Variants in PSMD9 observed in about 807,000 individuals in gnomAD.
The protein encoded by PSMD9 is 26S proteasome non-ATPase regulatory subunit 9.
Under a neutral mutation model 25.9 loss-of-function variants are expected in PSMD9, and 26 were observed. The ratio of observed to expected loss-of-function variants is 1.00; its 90% confidence interval spans 0.73 to 1.39. The LOEUF is 1.39. Among genes scored for constraint, PSMD9 ranks in the 40% most tolerant of loss-of-function variants. The pLI is 0.00. For missense variants in PSMD9, 303 were observed against 299.3 expected (o/e 1.01, Z -0.09); for synonymous variants, 110 against 114.5 (o/e 0.96, Z 0.25).
chr12:121,907,075 T>C (rs1879582315), intron 4 of PSMD9, among the ~76,000 whole-genome samples: 3 of 152,186 alleles, frequency 2.0e-5, no homozygotes, highest in Non-Finnish European at 4.4e-5. Context: ...TATTTCTTTT[T>C]TTATTTTTTT....
chr12:121,915,871 A>C lies in PSMD9; in HGVS notation c.571A>C (p.Thr191Pro), dbSNP rs775695292. 3.6e-5 allele frequency: 58 copies of C among 1,613,514 alleles called. No homozygotes were observed. The highest frequency in any genetic ancestry group is 4.3e-5 in the Non-Finnish European group (51 of 1,179,820). Residue 191 changes from threonine to proline, a missense_variant, in exon 5 of 6, where the codon ACA (threonine) becomes CCA (proline). Physicochemically the swap from Thr to Pro is conservative, Grantham distance 38. Coordinates refer to ENST00000541212, the MANE Select transcript of PSMD9 (RefSeq NM_002813.7). ...QHSEGKPLNV[T>P]VIRRGEKHQL... Reference sequence around the variant, plus strand: ...TTCTTTTCAGAAGCCCCTGAATGTGACAGTGATCCGCAGGGGGGAAAAACA... The same window carrying C: ...TTCTTTTCAGAAGCCCCTGAATGTGCCAGTGATCCGCAGGGGGGAAAAACA...
intron 4 of PSMD9, among the ~76,000 whole-genome samples, chr12:121,910,771 A>C (rs558427965): frequency 1.1e-4 from 17 of 151,086 alleles, no homozygotes; most frequent in Non-Finnish European, 2.5e-4. Context: ...AAAAAAAAAA[A>C]AATTACCATT....
rs59695002 is a variant in PSMD9, at chr12:121,917,135, C to T, written c.*824C>T. The T allele has an allele frequency of 0.052, 7,909 of 152,410 alleles. 233 individuals are homozygous for T. Among genetic ancestry groups the T allele is most frequent in the East Asian group, 0.073 (376 of 5,180 alleles). 9.4% of individuals were successfully genotyped at this position (152,410 alleles called of 1,614,324 possible). On this transcript the variant is annotated 3_prime_UTR_variant, in exon 6 of 6. Transcript: ENST00000541212. The stretch of plus-strand genomic sequence containing the variant: ...CCGCCCAAGTATCTGGGACCACAGG[C>T]GTGCACCACCATGCATAGCTAATTT...
intron 4 of PSMD9, among the ~76,000 whole-genome samples, chr12:121,903,660 G>A (rs968760331): frequency 1.3e-5 from 2 of 151,660 alleles, no homozygotes; most frequent in African/African-American, 4.9e-5. Flanking sequence ...TGACATGCTC[G>A]CAGGGGGCCT....
At chr12:121,896,069 G>A (rs1016819773) in intron 2 of PSMD9, among the ~76,000 whole-genome samples, 11 of 149,928 alleles carry the variant, frequency 7.3e-5, no homozygotes, top group African/African-American at 2.5e-4. Flanking sequence ...GCAGTGGCAC[G>A]ATCTTGGCTC....
chr12:121,903,975 T>C (rs1156313338), intron 4 of PSMD9, among the ~76,000 whole-genome samples: 1 of 152,100 alleles, frequency 6.6e-6, no homozygotes, highest in Non-Finnish European at 1.5e-5. Context: ...TAACTAAAGT[T>C]TTTGGTTCCC....
At chr12:121,896,844 A>AG (rs1284227926) in intron 2 of PSMD9, among the ~76,000 whole-genome samples, 1 of 135,350 alleles carries the variant, frequency 7.4e-6, no homozygotes, top group Non-Finnish European at 1.7e-5. Flanking sequence ...CTCAAAAAAA[A>AG]AAAAAAAAAG....
In PSMD9 at chr12:121,903,903, G is replaced by C. The variant is rs192623707; in HGVS notation, c.555+796G>C. ...TGTCCAGGCTGGAATTTTTGTTGTT[G>C]TTTTGTAGCAAAGATCCACACTTTT... On this transcript the variant is annotated intron_variant, in intron 4 of 5. Transcript: ENST00000541212. Among the ~76,000 whole-genome samples, 8 of 151,626 alleles carry C rather than the reference G, an allele frequency of 5.3e-5. No individual in the cohort carries two copies. The East Asian group carries it at 1.6e-3, about 29-fold the overall frequency.
chr12:121,908,843 G>A (rs1879635041), intron 4 of PSMD9, among the ~76,000 whole-genome samples: 1 of 152,100 alleles, frequency 6.6e-6, no homozygotes, highest in African/African-American at 2.4e-5. Context: ...AGGTTCATAG[G>A]CCCTGGGGTG....
intron 1 of PSMD9, among the ~76,000 whole-genome samples, chr12:121,892,919 A>G (rs1879129052): frequency 4.6e-5 from 7 of 152,170 alleles, no homozygotes; most frequent in Admixed American, 4.6e-4. Flanking sequence ...TACATGGGTC[A>G]GTTATATGGT....
chr12:121,915,896 A>G lies in PSMD9; in HGVS notation c.596A>G (p.His199Arg). 1 of 1,613,922 alleles carries G rather than the reference A, an allele frequency of 6.2e-7. No homozygotes were observed. The highest frequency in any genetic ancestry group is 8.5e-7 in the Non-Finnish European group (1 of 1,179,948). The change falls in exon 5 of 6, where the codon CAC becomes CGC. Residue 199 changes from histidine to arginine, a missense_variant. Coordinates refer to ENST00000541212, the MANE Select transcript of PSMD9 (RefSeq NM_002813.7). ...NVTVIRRGEK[H>R]QLRLVPTRWA... ...ACAGTGATCCGCAGGGGGGAAAAAC[A>G]CCAGCTTAGACTTGTTCCAACACGC... is the stretch of plus-strand genomic sequence containing the variant.
At chr12:121,911,474 A>G (rs950174594) in intron 4 of PSMD9, among the ~76,000 whole-genome samples, 9 of 152,158 alleles carry the variant, frequency 5.9e-5, no homozygotes, top group South Asian at 2.1e-4. Context: ...TCATTAGTCA[A>G]TGGACACTAG....
chr12:121,903,120 A>G lies in PSMD9; in HGVS notation c.555+13A>G. On this transcript the variant is annotated intron_variant, in intron 4 of 5. Transcript: ENST00000541212. ...GCACAGTGAGGGGGTGAGTGGGGCT[A>G]CCTGGTGTCTCGGTCTGTTTGGGTT... 3 of 1,606,078 alleles carry G rather than the reference A, an allele frequency of 1.9e-6. No homozygotes were observed. The highest frequency in any genetic ancestry group is 2.6e-6 in the Non-Finnish European group (3 of 1,173,098).
chr12:121,904,085 G>C (rs1235801847), intron 4 of PSMD9, among the ~76,000 whole-genome samples: 1 of 152,042 alleles, frequency 6.6e-6, no homozygotes, highest in Non-Finnish European at 1.5e-5. Flanking sequence ...GCCAGGCCAG[G>C]TCAGGTCAGG....
At chr12:121,908,131 C>A (rs1471369888) in intron 4 of PSMD9, 4 of 152,022 alleles carry the variant, frequency 2.6e-5, no homozygotes, top group East Asian at 1.9e-4. Flanking sequence ...AATTTGTCTA[C>A]CAGGTTTTCT....
At chr12:121,910,935 T>C (rs1285240182) in intron 4 of PSMD9, 1 of 456,466 alleles carries the variant, frequency 2.2e-6, no homozygotes, top group South Asian at 1.6e-5. Flanking sequence ...ATTCCCACTT[T>C]CCGCAGGCCC....
chr12:121,889,917 G>A (rs1195718093), intron 1 of PSMD9, among the ~76,000 whole-genome samples: 1 of 151,850 alleles, frequency 6.6e-6, no homozygotes, highest in Non-Finnish European at 1.5e-5. Flanking sequence ...GTAAGATGAA[G>A]TTTCTTTTTT....
chr12:121,888,819 G>T lies in PSMD9; in HGVS notation c.-38G>T. On this transcript the variant is annotated 5_prime_UTR_variant, in exon 1 of 6. Transcript: ENST00000541212. Reference sequence around the variant, plus strand: ...TCGACTGGGGCGTCGTCCCTAGCCCGGGAGCCGGGTCTCTGGAGTCGCGGC... The same window carrying T: ...TCGACTGGGGCGTCGTCCCTAGCCCTGGAGCCGGGTCTCTGGAGTCGCGGC... The T allele has an allele frequency of 6.3e-7, 1 of 1,585,514 alleles. No individual in the cohort carries two copies. The highest frequency in any genetic ancestry group is 8.6e-7 in the Non-Finnish European group (1 of 1,167,046).
chr12:121,889,128 G>T, intron 1 of PSMD9, 134 bp downstream of exon 1: 8 of 1,092,718 alleles, frequency 7.3e-6, no homozygotes, highest in Non-Finnish European at 1.0e-5. Context: ...CCGCAAGTGC[G>T]GCCTCTGTCG....
Sources: gnomAD v4.1 joint callset for allele counts (sites outside exome capture counted in the v4.1 genomes callset) on GRCh38, gnomAD v4.1.1 for gene constraint, MANE v1.5 for transcripts, NCBI Gene and HGNC (gene_info 2026-07-23, HGNC 2026-07-21) for gene names.